RALGPS2: variants seen among roughly 807,000 people sequenced by gnomAD.
RALGPS2 encodes the protein ras-specific guanine nucleotide-releasing factor RalGPS2.
Under a neutral mutation model 86.8 loss-of-function variants are expected in RALGPS2, and 43 were observed. The observed-to-expected ratio is 0.50, with a 90% CI of 0.39 to 0.64. The LOEUF is 0.64. Among genes scored for constraint, RALGPS2 ranks in the 30% least tolerant of loss-of-function variants. RALGPS2 has a pLI of 0.00. For missense variants in RALGPS2, 536 were observed against 694.6 expected (o/e 0.77, Z 2.57); for synonymous variants, 243 against 231.3 (o/e 1.05, Z -0.46).
chr1:178,748,673 T>G (rs1196904471), intron 1 of RALGPS2, among the ~76,000 whole-genome samples: 1 of 151,834 alleles, frequency 6.6e-6, no homozygotes, highest in Non-Finnish European at 1.5e-5. Flanking sequence ...GCCAACATAG[T>G]GAAACCCCAT....
chr1:178,763,257 T>C (rs552992436), intron 1 of RALGPS2, among the ~76,000 whole-genome samples: 3 of 152,242 alleles, frequency 2.0e-5, no homozygotes, highest in East Asian at 3.8e-4. Context: ...CCTTGTGGTA[T>C]AGTTTGAAGT....
At chr1:178,779,202 GAGATGTGAAGACTGA>G (rs1653256588) in intron 2 of RALGPS2, among the ~76,000 whole-genome samples, 1 of 152,142 alleles carries the variant, frequency 6.6e-6, no homozygotes. Flanking sequence ...ATTTAAGATG[GAGATGTGAAGACTGA>G]ACTAGATGCT....
intron 19 of RALGPS2, among the ~76,000 whole-genome samples, chr1:178,914,334 G>C (rs1490860641): frequency 6.6e-6 from 1 of 152,152 alleles, no homozygotes. Context: ...ATATCCAGGA[G>C]GACTATGGGA....
At chr1:178,868,012 A>G (rs902998019) in intron 8 of RALGPS2, among the ~76,000 whole-genome samples, 1 of 151,462 alleles carries the variant, frequency 6.6e-6, no homozygotes, top group African/African-American at 2.4e-5. Context: ...TTTACTAACA[A>G]GAGAGGGAAT....
chr1:178,853,624 G>A, intron 8 of RALGPS2: 1 of 1,601,294 alleles, frequency 6.2e-7, no homozygotes, highest in Non-Finnish European at 8.5e-7. Flanking sequence ...TGAAGAAGTT[G>A]ACAGAGCCGT....
chr1:178,729,655 A>G (rs1174157726), intron 1 of RALGPS2, among the ~76,000 whole-genome samples: 1 of 152,246 alleles, frequency 6.6e-6, no homozygotes, highest in Admixed American at 6.5e-5. Context: ...GAAAATGTTC[A>G]TTGGAGCAGT....
intron 1 of RALGPS2, among the ~76,000 whole-genome samples, chr1:178,750,285 A>G (rs942258433): frequency 6.6e-6 from 1 of 152,268 alleles, no homozygotes; most frequent in African/African-American, 2.4e-5. Flanking sequence ...GTGTGAAAGC[A>G]GCCATAGACA....
At chr1:178,795,155 G>A (rs569214519) in intron 4 of RALGPS2, among the ~76,000 whole-genome samples, 4 of 151,706 alleles carry the variant, frequency 2.6e-5, no homozygotes, top group Non-Finnish European at 5.9e-5. Flanking sequence ...ACTCCAGCCT[G>A]GGTGATGGAG....
At chr1:178,746,971 A>G (rs1651369344) in intron 1 of RALGPS2, 2 of 983,674 alleles carry the variant, frequency 2.0e-6, no homozygotes, top group African/African-American at 1.6e-5. Context: ...TTCCTTAGAA[A>G]GTTCTTTCCA....
chr1:178,844,725 A>G (rs1160211397), intron 8 of RALGPS2, among the ~76,000 whole-genome samples: 1 of 152,210 alleles, frequency 6.6e-6, no homozygotes, highest in Non-Finnish European at 1.5e-5. Context: ...GGCTTGTTGA[A>G]GAATTTGGCA....
At chr1:178,912,354 T>G (rs1260706031) in intron 19 of RALGPS2, among the ~76,000 whole-genome samples, 1 of 152,206 alleles carries the variant, frequency 6.6e-6, no homozygotes, top group Non-Finnish European at 1.5e-5. Flanking sequence ...TAGCACTCCT[T>G]AAAGGACCTC....
intron 8 of RALGPS2, among the ~76,000 whole-genome samples, chr1:178,836,851 T>C (rs1656300561): frequency 6.6e-6 from 1 of 152,088 alleles, no homozygotes. Flanking sequence ...CATGATCAGC[T>C]CACTGCAGCT....
intron 16 of RALGPS2, chr1:178,894,344 C>T (rs886787911): frequency 7.7e-5 from 13 of 168,694 alleles, no homozygotes; most frequent in African/African-American, 2.6e-4. Flanking sequence ...TTGCAGTTTG[C>T]GATGCTATAG....
intron 19 of RALGPS2, among the ~76,000 whole-genome samples, chr1:178,914,044 C>A (rs1271177137): frequency 1.3e-5 from 2 of 152,144 alleles, no homozygotes; most frequent in African/African-American, 4.8e-5. Context: ...TGTGCCTGCT[C>A]CCATGGGAGT....
intron 17 of RALGPS2, among the ~76,000 whole-genome samples, 171 bp downstream of exon 17, chr1:178,897,927 C>T (rs925818340): frequency 6.6e-6 from 1 of 151,956 alleles, no homozygotes; most frequent in African/African-American, 2.4e-5. Flanking sequence ...TTTTCCATTG[C>T]AAATGTCAAA....
At position 178,912,170 on chromosome 1, in the gene RALGPS2, T is replaced by C. The variant is rs529159925; in HGVS notation, c.1723-4160T>C. On this transcript the variant is annotated intron_variant, in intron 19 of 19. Transcript: ENST00000367635. ...CTTTGGCCAGCTTATCACTTTGCCT[T>C]TTTTGCCTGTTTACATTCAAGGTTA... 3.9e-5 allele frequency among the ~76,000 whole-genome samples: 6 copies of C among 152,170 alleles called. No homozygotes were observed. In the East Asian group the frequency reaches 1.2e-3, roughly 29 times the overall value.
intron 1 of RALGPS2, among the ~76,000 whole-genome samples, chr1:178,764,285 C>T (rs1652391785): frequency 6.6e-6 from 1 of 151,982 alleles, no homozygotes; most frequent in Non-Finnish European, 1.5e-5. Flanking sequence ...AGAGTAGCAA[C>T]CTCTGCTTTT....
chr1:178,875,637 A>G (rs1658968901), intron 8 of RALGPS2, among the ~76,000 whole-genome samples: 2 of 152,086 alleles, frequency 1.3e-5, no homozygotes, highest in African/African-American at 4.8e-5. Flanking sequence ...CATCTCAGCT[A>G]TTCGGGTGGC....
chr1:178,869,805 T>A (rs567278847), intron 8 of RALGPS2, among the ~76,000 whole-genome samples: 1 of 152,238 alleles, frequency 6.6e-6, no homozygotes, highest in South Asian at 2.1e-4. Flanking sequence ...AACTTAAGTG[T>A]CTTTGGTTTA....
Sources: allele counts gnomAD v4.1 joint callset (sites outside exome capture counted in the v4.1 genomes callset), GRCh38; gene constraint gnomAD v4.1.1; transcripts MANE v1.5; gene names NCBI Gene and HGNC (gene_info 2026-07-23, HGNC 2026-07-21).